The following PTHLH variants were observed in gnomAD, a reference collection of about 807,000 sequenced individuals.
PTHLH encodes parathyroid hormone like hormone.
Under a neutral mutation model 18.6 loss-of-function variants are expected in PTHLH, and 5 were observed. That is an observed-to-expected ratio of 0.27 (90% confidence interval 0.14 to 0.56). The LOEUF (loss-of-function observed/expected upper bound fraction) is 0.56, where lower values mean the gene tolerates loss of function less well. PTHLH is among the 20% of genes least tolerant of loss of function. PTHLH has a pLI of 0.92. For synonymous variants in PTHLH, 90 were observed against 94.0 expected, an observed-to-expected ratio of 0.96 and a Z score of 0.25; for missense variants, 207 against 223.9, an observed-to-expected ratio of 0.92 and a Z score of 0.48.
chr12:27,972,266 C>T (rs1290770811), intron 1 of PTHLH, among the ~76,000 whole-genome samples: 1 of 152,136 alleles, frequency 6.6e-6, no homozygotes, highest in Non-Finnish European at 1.5e-5. Context: ...ACTTTCAGAA[C>T]ATTATAAATT....
At position 27,958,442 on chromosome 12, in the gene PTHLH, C is replaced by A; in HGVS notation, c.*117G>T. The A allele has an allele frequency of 1.0e-6, 1 of 986,850 alleles. No homozygotes were observed. Among genetic ancestry groups the A allele is most frequent in the Non-Finnish European group, 1.4e-6 (1 of 707,628 alleles). 61.1% of individuals were successfully genotyped at this position (986,850 alleles called of 1,614,324 possible). On this transcript the variant is annotated 3_prime_UTR_variant, in exon 6 of 6. Transcript: ENST00000545234. Reference sequence around the variant, plus strand: ...CAGTTTCATAGAGCAATGGGGGAGACAGTTTTATTCCAATGCATTTACAGT... The same window carrying A: ...CAGTTTCATAGAGCAATGGGGGAGAAAGTTTTATTCCAATGCATTTACAGT...
chr12:27,966,318 G>A (rs1327114329), intron 4 of PTHLH, among the ~76,000 whole-genome samples: 1 of 152,168 alleles, frequency 6.6e-6, no homozygotes. Context: ...TCTGCCTTTT[G>A]GGGGAAACTG....
At chr12:27,970,504 C>T (rs1179788344) in intron 2 of PTHLH, among the ~76,000 whole-genome samples, 2 of 151,656 alleles carry the variant, frequency 1.3e-5, no homozygotes, top group Non-Finnish European at 2.9e-5. Flanking sequence ...AGGAGCTCTG[C>T]CGAGCCCCAC....
intron 4 of PTHLH, among the ~76,000 whole-genome samples, 180 bp from the exon 5 acceptor site, chr12:27,963,950 T>C (rs1012674680): frequency 6.6e-6 from 1 of 152,098 alleles, no homozygotes; most frequent in African/African-American, 2.4e-5. Context: ...GAGCTGGCAG[T>C]TGGAAGGCTC....
intron 4 of PTHLH, among the ~76,000 whole-genome samples, chr12:27,964,495 GAA>G (rs1491353264): frequency 7.3e-6 from 1 of 137,920 alleles, no homozygotes; most frequent in South Asian, 2.4e-4. Flanking sequence ...GAGAGAGAGA[GAA>G]AGAGAGGGAG....
chr12:27,960,938 CA>C (rs1337784505), intron 5 of PTHLH, among the ~76,000 whole-genome samples: 1 of 151,980 alleles, frequency 6.6e-6, no homozygotes, highest in Non-Finnish European at 1.5e-5. Flanking sequence ...ACATTCTCAT[CA>C]ATACACTCCT....
chr12:27,967,229 T>C (rs1323585018), intron 4 of PTHLH, among the ~76,000 whole-genome samples: 1 of 152,232 alleles, frequency 6.6e-6, no homozygotes, highest in Non-Finnish European at 1.5e-5. Context: ...GGCCTCACTT[T>C]CCAGTATCCA....
Position 27,970,271 on chromosome 12 carries a change from C to T in PTHLH, c.-265-4G>A. 2 of 399,030 alleles carry T rather than the reference C, an allele frequency of 5.0e-6. No homozygotes were observed. Among genetic ancestry groups the T allele is most frequent in the East Asian group, 6.5e-5 (1 of 15,338 alleles). 24.7% of individuals were successfully genotyped at this position (399,030 alleles called of 1,614,324 possible). A position where few individuals can be genotyped will look rare whatever the true frequency, so the allele number is the denominator to read the frequency against. On this transcript the variant is annotated splice_polypyrimidine_tract_variant and splice_region_variant and intron_variant, in intron 2 of 5. Coordinates refer to ENST00000545234, the MANE Select transcript of PTHLH (RefSeq NM_198965.2). Reference sequence around the variant, plus strand: ...GTTCACACGCTCCGAGGCAAACCTGCCGGAGAAGTGAGCTAGTCGCAAAGA... The same window carrying T: ...GTTCACACGCTCCGAGGCAAACCTGTCGGAGAAGTGAGCTAGTCGCAAAGA...
chr12:27,962,828 TTAAA>T (rs1358928799), intron 5 of PTHLH: 5 of 969,568 alleles, frequency 5.2e-6, no homozygotes, highest in Non-Finnish European at 4.9e-6. Context: ...TGAGATTTAA[TTAAA>T]TACATTTAAT....
chr12:27,963,021 C>A (rs1438284245), intron 5 of PTHLH: 5 of 1,223,228 alleles, frequency 4.1e-6, no homozygotes, highest in African/African-American at 1.5e-5. Context: ...ACTTCTCCAG[C>A]AAATTATGAA....
At chr12:27,964,582 T>C (rs1237222099) in intron 4 of PTHLH, among the ~76,000 whole-genome samples, 1 of 152,060 alleles carries the variant, frequency 6.6e-6, no homozygotes, top group Non-Finnish European at 1.5e-5. Context: ...AATGAGCTCA[T>C]TCTATTTCTT....
intron 5 of PTHLH, chr12:27,962,205 C>T (rs1384655700): frequency 2.4e-6 from 1 of 413,104 alleles, no homozygotes; most frequent in East Asian, 3.9e-5. Flanking sequence ...ATTTGCCCCA[C>T]TTTTTGCCTC....
chr12:27,963,542 C>A lies in PTHLH; in HGVS notation c.330G>T (p.Lys110Asn). The A allele has an allele frequency of 6.2e-7, 1 of 1,614,196 alleles. No homozygotes were observed. Reference sequence around the variant, plus strand: ...GCGGCTGCTCTTTGTACGTCTCCACCTTGTTAGTTTCCTGAGTTAGGTATC... The same window carrying A: ...GCGGCTGCTCTTTGTACGTCTCCACATTGTTAGTTTCCTGAGTTAGGTATC... Reference protein sequence around the residue: ...EGRYLTQETNKVETYKEQPLK... With the variant: ...EGRYLTQETNNVETYKEQPLK... Residue 110 changes from lysine to asparagine, a missense_variant, in exon 5 of 6, where the codon AAG (lysine) becomes AAT (asparagine). Lys to Asn is a moderately conservative substitution (Grantham distance 94). Coordinates refer to ENST00000545234, the MANE Select transcript of PTHLH (RefSeq NM_198965.2).
At chr12:27,960,588 G>T (rs12370614) in intron 5 of PTHLH, among the ~76,000 whole-genome samples, 6,754 of 151,784 alleles carry the variant, frequency 0.044, 222 homozygotes, top group East Asian at 0.13. Flanking sequence ...CATGGTGGCG[G>T]GTGCCTGCAA....
At chr12:27,971,148 C>A (rs1039391915) in intron 2 of PTHLH, among the ~76,000 whole-genome samples, 1 of 151,868 alleles carries the variant, frequency 6.6e-6, no homozygotes, top group African/African-American at 2.4e-5. Context: ...CCTGCTTGTC[C>A]CCTCCCCCTC....
At chr12:27,960,257 A>G (rs2062742483) in intron 5 of PTHLH, among the ~76,000 whole-genome samples, 1 of 152,206 alleles carries the variant, frequency 6.6e-6, no homozygotes, top group Non-Finnish European at 1.5e-5. Context: ...AGTATTTTCC[A>G]AGGCAAAAAT....
chr12:27,958,706 T>C (rs925032008), intron 5 of PTHLH, 138 bp from the exon 6 acceptor site: 4 of 793,714 alleles, frequency 5.0e-6, no homozygotes, highest in Non-Finnish European at 7.7e-6. Flanking sequence ...CTTGTAAATA[T>C]CTCCTGCAAG....
chr12:27,963,113 A>C, intron 5 of PTHLH: 2 of 1,411,674 alleles, frequency 1.4e-6, no homozygotes, highest in Admixed American at 2.9e-5. Flanking sequence ...CGGTGGAGAA[A>C]GAGGAATGGG....
chr12:27,961,433 C>A (rs1314681587), intron 5 of PTHLH, among the ~76,000 whole-genome samples: 1 of 145,892 alleles, frequency 6.9e-6, no homozygotes, highest in Non-Finnish European at 1.5e-5. Flanking sequence ...CTAAAAACAC[C>A]AAAATAATAT....
Sources: allele counts gnomAD v4.1 joint callset (sites outside exome capture counted in the v4.1 genomes callset), GRCh38; gene constraint gnomAD v4.1.1; transcripts MANE v1.5; gene names NCBI Gene and HGNC (gene_info 2026-07-23, HGNC 2026-07-21).